Variants in GRM4 observed in about 807,000 individuals in gnomAD.
GRM4 encodes glutamate metabotropic receptor 4, also known as metabotropic glutamate receptor 4.
Under a neutral mutation model 81.7 loss-of-function variants are expected in GRM4, and 28 were observed. The ratio of observed to expected loss-of-function variants is 0.34; its 90% CI spans 0.25 to 0.47. The LOEUF is 0.47. Ranked by LOEUF, GRM4 falls within the 20% of genes least tolerant of loss-of-function variation. The pLI, the probability that GRM4 is intolerant of heterozygous loss-of-function variation, is 1.00. For missense variants in GRM4, 948 were observed against 1,290.0 expected, an observed-to-expected ratio of 0.73 and a Z score of 4.06; for synonymous variants, 488 against 528.8, an observed-to-expected ratio of 0.92 and a Z score of 1.06.
intron 2 of GRM4, among the ~76,000 whole-genome samples, chr6:34,112,962 A>T (rs1279098696): frequency 6.6e-6 from 1 of 152,186 alleles, no homozygotes; most frequent in Non-Finnish European, 1.5e-5. Flanking sequence ...AGGTTGCTAA[A>T]CAACTGCTCT....
intron 3 of GRM4, among the ~76,000 whole-genome samples, chr6:34,065,709 C>T (rs1042976026): frequency 7.2e-5 from 11 of 152,214 alleles, no homozygotes; most frequent in Non-Finnish European, 1.3e-4. Flanking sequence ...GTCTGCTCGC[C>T]GGCCAGGGGC....
At chr6:34,057,304 G>A (rs1245332678) in intron 5 of GRM4, among the ~76,000 whole-genome samples, 1 of 152,136 alleles carries the variant, frequency 6.6e-6, no homozygotes, top group African/African-American at 2.4e-5. Flanking sequence ...CATACTGACT[G>A]TTCTAGGCAC....
chr6:34,023,871 G>A (rs926068478), intron 10 of GRM4, among the ~76,000 whole-genome samples: 5 of 152,220 alleles, frequency 3.3e-5, no homozygotes, highest in Admixed American at 1.3e-4. Context: ...GTCTAGCCAG[G>A]GTTTAGGGCC....
chr6:34,084,954 G>A (rs1020959031), intron 3 of GRM4, among the ~76,000 whole-genome samples: 15 of 152,038 alleles, frequency 9.9e-5, no homozygotes, highest in Non-Finnish European at 1.5e-4. Flanking sequence ...TTATTCAGGC[G>A]GGCTCTGCTG....
intron 2 of GRM4, among the ~76,000 whole-genome samples, chr6:34,125,964 T>G (rs1770006128): frequency 6.6e-6 from 1 of 152,244 alleles, no homozygotes; most frequent in African/African-American, 2.4e-5. Flanking sequence ...AATCCTATTC[T>G]GTATCCCTAG....
In GRM4 at chr6:34,132,984, G is replaced by A. The variant is rs1337953797; in HGVS notation, c.513C>T (p.Leu171=). ...VSIMVANILR[L]FKIPQISYAS... Reference sequence around the variant, plus strand: ...GACCAACCAAGGCACTGACCTTGAAGAGGCGAAGGATGTTGGCCACCATGA... The same window carrying A: ...GACCAACCAAGGCACTGACCTTGAAAAGGCGAAGGATGTTGGCCACCATGA... The change falls in exon 2 of 11, where the codon CTC becomes CTT. Residue 171 remains leucine (L), a synonymous_variant. Transcript: ENST00000538487. The A allele has an allele frequency of 6.3e-7, 1 of 1,595,898 alleles. No homozygotes were observed. Among genetic ancestry groups the A allele is most frequent in the East Asian group, 2.2e-5 (1 of 44,646 alleles).
At chr6:34,083,778 T>C (rs1029272067) in intron 3 of GRM4, among the ~76,000 whole-genome samples, 2 of 152,156 alleles carry the variant, frequency 1.3e-5, no homozygotes, top group Non-Finnish European at 2.9e-5. Flanking sequence ...CACCTGATAC[T>C]TGGATACAAG....
intron 6 of GRM4, among the ~76,000 whole-genome samples, chr6:34,044,337 C>T (rs964278967): frequency 8.1e-5 from 12 of 147,610 alleles, no homozygotes; most frequent in Non-Finnish European, 1.4e-4. Context: ...TACACACAGA[C>T]ATACATACAT....
In GRM4 at chr6:34,042,623, A is replaced by G. The variant is rs1201777457; in HGVS notation, c.1169-1875T>C. On this transcript the variant is annotated intron_variant, in intron 6 of 10. Transcript: ENST00000538487. This position sits in a 1 kb window ranked among gnomAD's most constrained non-coding sequence, Gnocchi z 4.2. ...CTCTCAGCTAGAGGGCACATGCCAC[A>G]CTGCACAGAGGCAATTCCCCAGAGG... 6.6e-6 allele frequency among the ~76,000 whole-genome samples: 1 copy of G among 152,270 alleles called. No individual in the cohort carries two copies. Among genetic ancestry groups the G allele is most frequent in the East Asian group, 1.9e-4 (1 of 5,176 alleles).
chr6:34,025,741 G>A (rs754174099), intron 10 of GRM4, among the ~76,000 whole-genome samples: 12 of 152,208 alleles, frequency 7.9e-5, no homozygotes, highest in East Asian at 3.9e-4. Flanking sequence ...GGGGAATCTC[G>A]ACACCTGCCA....
At position 34,080,869 on chromosome 6, in the gene GRM4, T is replaced by TAC. The variant is rs771261677; in HGVS notation, c.736+11013_736+11014insGT. Among the ~76,000 whole-genome samples the TAC allele has an allele frequency of 8.1e-4, 63 of 77,752 alleles. No homozygotes were observed. The highest frequency in any genetic ancestry group is 3.2e-3 in the South Asian group (7 of 2,164). The allele number at this position is 77,752 out of a possible 152,430, so 51.0% of individuals were successfully genotyped here. A position where few individuals can be genotyped will look rare whatever the true frequency, so the allele number is the denominator to read the frequency against. On this transcript the variant is annotated intron_variant, in intron 3 of 10. Transcript: ENST00000538487. The surrounding 1 kb of genome is among the most constrained non-coding windows in gnomAD (Gnocchi z 5.4). ...ACATACACACACACATACACATACA[T>TAC]ATACACACACACACACACACAACCC...
At chr6:34,118,525 A>G (rs1461746769) in intron 2 of GRM4, among the ~76,000 whole-genome samples, 1 of 152,178 alleles carries the variant, frequency 6.6e-6, no homozygotes, top group Non-Finnish European at 1.5e-5. Context: ...CCTCATCTGT[A>G]AAAAAGCCGT....
At position 34,084,084 on chromosome 6, in the gene GRM4, T is replaced by C. The variant is rs112756398; in HGVS notation, c.736+7799A>G. Among the ~76,000 whole-genome samples the C allele has an allele frequency of 5.4e-3, 823 of 152,296 alleles. 9 individuals are homozygous for C. The highest frequency in any genetic ancestry group is 0.014 in the Middle Eastern group (4 of 294). ...AGGGTGTCTTCAGGATGGGTCCAAA[T>C]TGTGGGGAACAGGTCTTTGCTCTCA... On this transcript the variant is annotated intron_variant, in intron 3 of 10. Transcript: ENST00000538487.
At chr6:34,097,889 C>G (rs572387757) in intron 2 of GRM4, among the ~76,000 whole-genome samples, 1 of 152,348 alleles carries the variant, frequency 6.6e-6, no homozygotes, top group East Asian at 1.9e-4. Flanking sequence ...CACAGACACT[C>G]CAGGGGCTAC....
chr6:34,092,886 T>C lies in GRM4; in HGVS notation c.520-787A>G, dbSNP rs1275541007. Among the ~76,000 whole-genome samples the C allele has an allele frequency of 1.3e-5, 2 of 151,962 alleles. No individual in the cohort carries two copies. Among genetic ancestry groups the C allele is most frequent in the African/African-American group, 4.8e-5 (2 of 41,372 alleles). The stretch of plus-strand genomic sequence containing the variant: ...ACTCAGACCCCCTGCCTCCTGTAGA[T>C]ACACCCAACCATCCCCAGGACAGGG... On this transcript the variant is annotated intron_variant, in intron 2 of 10. Transcript: ENST00000538487. This position sits in a 1 kb window ranked among gnomAD's most constrained non-coding sequence, Gnocchi z 6.8.
At chr6:34,058,104 G>T (rs1395419236) in intron 5 of GRM4, among the ~76,000 whole-genome samples, 1 of 152,102 alleles carries the variant, frequency 6.6e-6, no homozygotes, top group Non-Finnish European at 1.5e-5. Context: ...GTGTGGATGT[G>T]GGGGGACAGA....
exon 1 of GRM4, chr6:34,155,114 G>T: frequency 6.5e-7 from 1 of 1,529,090 alleles, no homozygotes; most frequent in South Asian, 1.2e-5. Context: ...CGGGGGCGGC[G>T]GGGGTCTATT....
chr6:34,024,622 A>T (rs2127433938), intron 10 of GRM4: 1 of 455,712 alleles, frequency 2.2e-6, no homozygotes, highest in South Asian at 1.5e-5. Context: ...CCATGGGACC[A>T]GTAGGGAGGC....
chr6:34,095,666 CCT>C (rs61363471), intron 2 of GRM4, among the ~76,000 whole-genome samples: 5,493 of 152,240 alleles, frequency 0.036, 219 homozygotes, highest in African/African-American at 0.1. Context: ...CCTTCTCTTG[CCT>C]CTCTCTGACT....
Sources: allele counts gnomAD v4.1 joint callset (sites outside exome capture counted in the v4.1 genomes callset), GRCh38; gene constraint gnomAD v4.1.1; non-coding constraint Gnocchi (gnomAD v3.1); transcripts MANE v1.5; gene names NCBI Gene and HGNC (gene_info 2026-07-23, HGNC 2026-07-21).